MAGED1: variants seen among roughly 807,000 people sequenced by gnomAD.
MAGED1 encodes melanoma-associated antigen D1.
Under a neutral mutation model 54.1 loss-of-function variants are expected in MAGED1, and 3 were observed. The observed-to-expected ratio is 0.06, with a 90% CI of 0.03 to 0.14. MAGED1 has a LOEUF of 0.14. Among genes scored for constraint, MAGED1 ranks in the 10% least tolerant of loss-of-function variants. The probability of loss-of-function intolerance (pLI) is 1.00; values close to 1 mark genes in which losing one functional copy is unlikely to be tolerated. For missense variants in MAGED1, 485 were observed against 623.4 expected, an observed-to-expected ratio of 0.78 and a Z score of 2.36; for synonymous variants, 217 against 227.3, an observed-to-expected ratio of 0.95 and a Z score of 0.41.
intron 1 of MAGED1, among the ~76,000 whole-genome samples, chrX:51,838,037 C>T (rs1569555627): frequency 8.9e-6 from 1 of 112,194 alleles, no homozygotes; most frequent in East Asian, 2.8e-4. Flanking sequence ...AAAATTGTAG[C>T]CCTCTTAGCA....
upstream of MAGED1, among the ~76,000 whole-genome samples, chrX:51,893,040 A>T (rs782029329): frequency 2.7e-5 from 3 of 110,608 alleles, no homozygotes; most frequent in East Asian, 8.6e-4. Flanking sequence ...AAAGGGAAGA[A>T]ACTAACGTTC....
chrX:51,862,621 C>T (rs918025786), intron 1 of MAGED1, among the ~76,000 whole-genome samples: 2 of 111,167 alleles, frequency 1.8e-5, no homozygotes, highest in African/African-American at 6.5e-5. Flanking sequence ...CCTAGTTGTA[C>T]GAGAAAAGGG....
rs138531383 is a variant in MAGED1 at position 51,805,229 on chromosome X, T to C, written c.-37+2112T>C. On this transcript the variant is annotated intron_variant, in intron 1 of 12. Transcript: ENST00000375772. ...TCATAATATGTTGTCCATAAATATT[T>C]GGTACGGTAAAGTGAAATGAATTCA... Among the ~76,000 whole-genome samples the C allele has an allele frequency of 2.0e-3, 219 of 112,202 alleles. 6 individuals are homozygous for C. The East Asian group carries it at 0.051, about 26-fold the overall frequency.
chrX:51,818,890 T>A (rs1266914357), intron 1 of MAGED1, among the ~76,000 whole-genome samples: 1 of 112,214 alleles, frequency 8.9e-6, no homozygotes, highest in Non-Finnish European at 1.9e-5. Flanking sequence ...AAGAGACTCC[T>A]TATTTTCCTT....
chrX:51,898,490 T>G lies in MAGED1; in HGVS notation c.1782-91T>G. Reference sequence around the variant, plus strand: ...GATGGGGAAACAGTTCTGAACTCTCTGCCTCTTTTCTCATCTCTGACCTCT... The same window carrying G: ...GATGGGGAAACAGTTCTGAACTCTCGGCCTCTTTTCTCATCTCTGACCTCT... On this transcript the variant is annotated intron_variant, in intron 9 of 12. Transcript: ENST00000326587. The G allele has an allele frequency of 3.0e-6, 3 of 987,056 alleles. No homozygotes were observed. In the South Asian group the frequency reaches 6.8e-5, roughly 22 times the overall value. The allele number at this position is 987,056 out of a possible 1,213,427, so 81.3% of individuals were successfully genotyped here.
At chrX:51,897,431 G>T in intron 5 of MAGED1, 116 bp from the exon 6 acceptor site, 1 of 772,670 alleles carries the variant, frequency 1.3e-6, no homozygotes, top group Non-Finnish European at 2.0e-6. Context: ...CCTTTCCATG[G>T]TTGGCTCTTT....
chrX:51,886,711 C>T (rs781939824), intron 1 of MAGED1, among the ~76,000 whole-genome samples: 2 of 110,177 alleles, frequency 1.8e-5, no homozygotes, highest in South Asian at 7.8e-4. Flanking sequence ...GTCAACTTAC[C>T]AATATCAATT....
intron 10 of MAGED1, chrX:51,899,807 C>T: frequency 6.0e-6 from 1 of 167,258 alleles, no homozygotes; most frequent in Non-Finnish European, 1.1e-5. Flanking sequence ...TCCACCATCC[C>T]CACAGTAGAC....
chrX:51,853,352 T>C (rs971397357), intron 1 of MAGED1, among the ~76,000 whole-genome samples: 2 of 112,323 alleles, frequency 1.8e-5, no homozygotes, highest in African/African-American at 6.5e-5. Flanking sequence ...CTGATCCTGC[T>C]GATTTGCTTC....
chrX:51,856,925 A>C, intron 1 of MAGED1: 1 of 111,625 alleles, frequency 9.0e-6, no homozygotes. Context: ...AAAAGCACAG[A>C]GATATGATTC....
At chrX:51,900,923 C>T (rs1167144149) in intron 11 of MAGED1, among the ~76,000 whole-genome samples, 2 of 112,416 alleles carry the variant, frequency 1.8e-5, no homozygotes, top group Admixed American at 9.4e-5. Context: ...CGTGAGCCAC[C>T]GTACCCGGCC....
At chrX:51,875,237 C>G (rs782622171) in intron 1 of MAGED1, among the ~76,000 whole-genome samples, 10 of 111,098 alleles carry the variant, frequency 9.0e-5, no homozygotes, top group Non-Finnish European at 1.1e-4. Context: ...GATCAGTACT[C>G]TGTCAAATAC....
intron 1 of MAGED1, among the ~76,000 whole-genome samples, chrX:51,849,114 T>A (rs1477279754): frequency 7.2e-5 from 8 of 110,892 alleles, no homozygotes; most frequent in Non-Finnish European, 1.9e-5. Context: ...AATGTAGGGA[T>A]GTAAGGATCT....
At position 51,895,122 on chromosome X, in the gene MAGED1, G is replaced by A. The variant is rs1172447418; in HGVS notation, c.115G>A (p.Ala39Thr). The change falls in exon 3 of 13, where the codon GCT becomes ACT. Residue 39 changes from alanine (A) to threonine (T), a missense_variant. Ala to Thr is a moderately conservative substitution (Grantham distance 58, BLOSUM62 0). Transcript: ENST00000326587. ...GATGGAGGCCATCCAGATCTCAGAGGCTCCACCTACTAACCAGGCCACCGC... is the reference window on the plus strand; with the variant it reads ...GATGGAGGCCATCCAGATCTCAGAGACTCCACCTACTAACCAGGCCACCGC... ...TLMEAIQISE[A>T]PPTNQATAAA... The A allele has an allele frequency of 2.5e-6, 3 of 1,210,292 alleles. No homozygotes were observed. In the African/African-American group the frequency reaches 5.2e-5, roughly 21 times the overall value.
intron 1 of MAGED1, among the ~76,000 whole-genome samples, chrX:51,821,777 T>G (rs891640225): frequency 1.8e-5 from 2 of 111,942 alleles, no homozygotes; most frequent in Non-Finnish European, 3.8e-5. Context: ...TGTTCCTAGT[T>G]TAAGGGTTTT....
chrX:51,822,259 C>A (rs1190286405), intron 1 of MAGED1, among the ~76,000 whole-genome samples: 4 of 111,822 alleles, frequency 3.6e-5, no homozygotes, highest in African/African-American at 1.3e-4. Flanking sequence ...TCTATTTCTT[C>A]CTAAGTCAGA....
At chrX:51,841,616 G>C (rs1926491162) in intron 1 of MAGED1, among the ~76,000 whole-genome samples, 1 of 111,769 alleles carries the variant, frequency 8.9e-6, no homozygotes. Flanking sequence ...TTTTGTATAA[G>C]GTGTAAGGAA....
upstream of MAGED1, among the ~76,000 whole-genome samples, chrX:51,892,851 G>A (rs782523315): frequency 2.7e-5 from 3 of 111,166 alleles, no homozygotes; most frequent in Non-Finnish European, 5.7e-5. Flanking sequence ...TTCATGCAAT[G>A]TATCTGTGCC....
At chrX:51,847,660 C>T (rs1340077025) in intron 1 of MAGED1, among the ~76,000 whole-genome samples, 3 of 111,572 alleles carry the variant, frequency 2.7e-5, no homozygotes, top group African/African-American at 9.8e-5. Flanking sequence ...AGGCCAGGCT[C>T]CTCCCCACTG....
Sources: gnomAD v4.1 joint callset for allele counts (sites outside exome capture counted in the v4.1 genomes callset) on GRCh38, gnomAD v4.1.1 for gene constraint, MANE v1.5 for transcripts, NCBI Gene and HGNC (gene_info 2026-07-23, HGNC 2026-07-21) for gene names.